The following FREM2 variants were observed in gnomAD, a reference collection of about 807,000 sequenced individuals.
FREM2 encodes the protein FRAS1 related extracellular matrix 2, also known as FRAS1-related extracellular matrix protein 2.
Under a neutral mutation model 219.9 loss-of-function variants are expected in FREM2, and 119 were observed. The observed-to-expected ratio is 0.54, with a 90% confidence interval of 0.47 to 0.63. The LOEUF (loss-of-function observed/expected upper bound fraction) is 0.63, where lower values mean the gene tolerates loss of function less well. Among genes scored for constraint, FREM2 ranks in the 30% least tolerant of loss-of-function variants. The pLI is 0.00. For missense variants in FREM2, 4,030 were observed against 3,993.6 expected (o/e 1.01, Z -0.25); for synonymous variants, 1,562 against 1,522.8 (o/e 1.03, Z -0.60).
At chr13:38,711,279 G>A (rs1870760084) in intron 2 of FREM2, among the ~76,000 whole-genome samples, 1 of 152,134 alleles carries the variant, frequency 6.6e-6, no homozygotes, top group Admixed American at 6.5e-5. Flanking sequence ...GTAAACATTA[G>A]AGAGTCAGTT....
At chr13:38,846,813 T>C in intron 7 of FREM2, 91 bp downstream of exon 7, 1 of 1,412,500 alleles carries the variant, frequency 7.1e-7, no homozygotes, top group Admixed American at 1.7e-5. Context: ...ACTTCACTTC[T>C]ATTAAAGCAG....
chr13:38,730,457 A>T (rs557358487), intron 2 of FREM2, among the ~76,000 whole-genome samples: 26 of 152,312 alleles, frequency 1.7e-4, no homozygotes, highest in African/African-American at 5.5e-4. Flanking sequence ...TACATGCTTG[A>T]TAGAGGGAGC....
At chr13:38,840,354 C>T (rs61947983) in intron 6 of FREM2, among the ~76,000 whole-genome samples, 21,276 of 150,756 alleles carry the variant, frequency 0.14, 1,739 homozygotes, top group Admixed American at 0.24. Context: ...CGCCTGCCTT[C>T]TGCGTTGGCC....
intron 6 of FREM2, 112 bp from the exon 7 acceptor site, chr13:38,846,461 T>G: frequency 5.7e-6 from 6 of 1,055,262 alleles, no homozygotes; most frequent in Non-Finnish European, 8.5e-6. Context: ...AAAAGTATGA[T>G]GATATAAGGA....
Position 38,689,749 on chromosome 13 carries a change from T to G in FREM2, c.2405T>G (p.Phe802Cys), listed in dbSNP as rs1421929617. ...GGCGTGGCTACTCGAGTGGCCCAGT[T>G]CCAGTTCCAGGTGGAAGACCGAGCT... is the stretch of plus-strand genomic sequence containing the variant. ...ELGVATRVAQ[F>C]QFQVEDRAGN... The change falls in exon 1 of 24, where the codon TTC becomes TGC. Residue 802 changes from phenylalanine to cysteine, a missense_variant. This residue lies in a region of FREM2 where 3,102 missense variants were observed against 2,950.7 expected (regional missense o/e 1.05). Coordinates refer to ENST00000280481, the MANE Select transcript of FREM2 (RefSeq NM_207361.6). The G allele has an allele frequency of 6.2e-7, 1 of 1,613,194 alleles. No homozygotes were observed. Among genetic ancestry groups the G allele is most frequent in the African/African-American group, 1.3e-5 (1 of 74,886 alleles).
chr13:38,692,039 C>A lies in FREM2; in HGVS notation c.4695C>A (p.Asp1565Glu), dbSNP rs766340176. The change falls in exon 1 of 24, where the codon GAC (aspartate) becomes GAA (glutamate). Residue 1565 changes from aspartate to glutamate, a missense_variant. Physicochemically the swap from Asp to Glu is conservative, Grantham distance 45 (BLOSUM62 2). This residue lies in a region of FREM2 where 3,102 missense variants were observed against 2,950.7 expected (regional missense o/e 1.05). Coordinates refer to ENST00000280481, the MANE Select transcript of FREM2 (RefSeq NM_207361.6). ...ELTVEDRDTP[D>E]KLLKFTITQV... is the part of the protein sequence containing the mutation. ...CTGTCGAAGACAGAGATACTCCTGACAAGCTCCTGAAATTCACTATCACCC... is the reference window on the plus strand; with the variant it reads ...CTGTCGAAGACAGAGATACTCCTGAAAAGCTCCTGAAATTCACTATCACCC... 3 of 1,614,112 alleles carry A rather than the reference C, an allele frequency of 1.9e-6. No homozygotes were observed. The highest frequency in any genetic ancestry group is 2.5e-6 in the Non-Finnish European group (3 of 1,180,046).
chr13:38,832,729 A>G (rs1325916396), intron 6 of FREM2, among the ~76,000 whole-genome samples: 1 of 152,130 alleles, frequency 6.6e-6, no homozygotes, highest in Non-Finnish European at 1.5e-5. Flanking sequence ...TGTTTTAAAG[A>G]TATGAAGCAG....
chr13:38,831,061 T>C (rs1365787772), intron 6 of FREM2, among the ~76,000 whole-genome samples: 5 of 152,186 alleles, frequency 3.3e-5, no homozygotes, highest in African/African-American at 1.2e-4. Context: ...GAAACAGTTT[T>C]ATATACAATA....
intron 18 of FREM2, among the ~76,000 whole-genome samples, chr13:38,875,166 T>A (rs200760659): frequency 6.0e-5 from 4 of 67,078 alleles, no homozygotes; most frequent in African/African-American, 3.1e-4. Context: ...TGTTTTTTTT[T>A]AACAAGGACA....
intron 15 of FREM2, 118 bp from the exon 16 acceptor site, chr13:38,864,157 C>T (rs772721143): frequency 5.0e-6 from 4 of 792,206 alleles, no homozygotes; most frequent in Non-Finnish European, 8.5e-6. Flanking sequence ...GTATGCCATA[C>T]ACCACTGCTG....
At chr13:38,720,431 A>G (rs1328284969) in intron 2 of FREM2, among the ~76,000 whole-genome samples, 1 of 152,208 alleles carries the variant, frequency 6.6e-6, no homozygotes, top group East Asian at 1.9e-4. Context: ...GAACTCACAC[A>G]TGCGCAGACA....
At chr13:38,774,483 A>G (rs997870670) in intron 4 of FREM2, among the ~76,000 whole-genome samples, 6 of 152,160 alleles carry the variant, frequency 3.9e-5, no homozygotes, top group Non-Finnish European at 8.8e-5. Flanking sequence ...CTCTGATAAA[A>G]GAGCAACTGG....
At chr13:38,721,870 T>C (rs1210631163) in intron 2 of FREM2, among the ~76,000 whole-genome samples, 3 of 152,226 alleles carry the variant, frequency 2.0e-5, no homozygotes, top group Non-Finnish European at 4.4e-5. Context: ...AGATGATGGC[T>C]GTTTCTGTCC....
chr13:38,857,269 G>A (rs1005163586), intron 12 of FREM2, among the ~76,000 whole-genome samples: 1 of 152,128 alleles, frequency 6.6e-6, no homozygotes, highest in Non-Finnish European at 1.5e-5. Context: ...AAGGTTATTA[G>A]GGAGCCAGGG....
At chr13:38,796,827 T>C (rs1387931566) in intron 6 of FREM2, among the ~76,000 whole-genome samples, 1 of 152,068 alleles carries the variant, frequency 6.6e-6, no homozygotes, top group Admixed American at 6.6e-5. Flanking sequence ...ATTTTTAGTT[T>C]TTTGAAAAAT....
chr13:38,841,575 G>A (rs941714103), intron 6 of FREM2, among the ~76,000 whole-genome samples: 6 of 151,112 alleles, frequency 4.0e-5, no homozygotes, highest in Non-Finnish European at 8.8e-5. Context: ...AAAAAAAAAA[G>A]CCTCTTCTCT....
In FREM2 at chr13:38,735,323, T is replaced by C. The variant is rs372608972; in HGVS notation, c.5264-28981T>C. On this transcript the variant is annotated intron_variant, in intron 2 of 23. Coordinates refer to ENST00000280481, the MANE Select transcript of FREM2 (RefSeq NM_207361.6). ...GCAAATTATAAATGTACCCTTTAGG[T>C]TAGAAATTATGTGATTGAGTTTAGA... Among the ~76,000 whole-genome samples, 63 of 152,282 alleles carry C rather than the reference T, an allele frequency of 4.1e-4. 2 individuals are homozygous for C. In the South Asian group the frequency reaches 0.012, roughly 29 times the overall value.
At chr13:38,857,773 G>A (rs940818575) in intron 12 of FREM2, 102 bp from the exon 13 acceptor site, 14 of 984,050 alleles carry the variant, frequency 1.4e-5, no homozygotes, top group Admixed American at 8.6e-5. Context: ...GCATCATAAC[G>A]AGGCCATGGG....
At position 38,689,800 on chromosome 13, in the gene FREM2, C is replaced by T. The variant is rs1198043921; in HGVS notation, c.2456C>T (p.Thr819Ile). 1 of 1,614,020 alleles carries T rather than the reference C, an allele frequency of 6.2e-7. No homozygotes were observed. ...GGGAATGTGGCTCCAGGTACCTTTA[C>T]CCTTTACTTGCATCCCGTGGACAAC... ...RAGNVAPGTFTLYLHPVDNQP... is the reference protein window; with the variant it reads ...RAGNVAPGTFILYLHPVDNQP... Residue 819 changes from threonine (T) to isoleucine (I), a missense_variant, in exon 1 of 24, where the codon ACC becomes ATC. Physicochemically the swap from Thr to Ile is moderately conservative, Grantham distance 89. Around this residue, in one of 2 missense-constraint regions of FREM2, gnomAD observed 3,102 missense variants for 2,950.7 expected, o/e 1.05. Coordinates refer to ENST00000280481, the MANE Select transcript of FREM2 (RefSeq NM_207361.6).
Sources: gnomAD v4.1 joint callset for allele counts (sites outside exome capture counted in the v4.1 genomes callset) on GRCh38, gnomAD v4.1.1 for gene constraint, gnomAD v4.1.1 regional missense constraint, MANE v1.5 for transcripts, NCBI Gene and HGNC (gene_info 2026-07-23, HGNC 2026-07-21) for gene names.